Variants in PDSS2 observed in about 807,000 individuals in gnomAD.
PDSS2 encodes all trans-polyprenyl-diphosphate synthase PDSS2.
Under a neutral mutation model 44.5 loss-of-function variants are expected in PDSS2, and 31 were observed. The observed-to-expected ratio is 0.70, with a 90% CI of 0.52 to 0.94. The LOEUF (loss-of-function observed/expected upper bound fraction) is 0.94. Among genes scored for constraint, PDSS2 ranks in the 40% least tolerant of loss-of-function variants. The pLI, the probability that PDSS2 is intolerant of heterozygous loss-of-function variation, is 0.00. For missense variants in PDSS2, 452 were observed against 482.2 expected (o/e 0.94, Z 0.59); for synonymous variants, 157 against 180.3 (o/e 0.87, Z 1.03).
At chr6:107,330,394 C>T (rs752428258) in intron 2 of PDSS2, among the ~76,000 whole-genome samples, 1 of 152,072 alleles carries the variant, frequency 6.6e-6, no homozygotes. Context: ...GTCTCTTCTA[C>T]CAGTTAAGGT....
At chr6:107,365,038 T>A (rs569342304) in intron 1 of PDSS2, among the ~76,000 whole-genome samples, 1 of 152,100 alleles carries the variant, frequency 6.6e-6, no homozygotes, top group South Asian at 2.1e-4. Flanking sequence ...GAAGTGATAT[T>A]AGACAGTAAT....
intron 2 of PDSS2, among the ~76,000 whole-genome samples, chr6:107,288,753 G>GTTTTTTTT (rs35762837): frequency 8.2e-5 from 6 of 72,738 alleles, no homozygotes; most frequent in Admixed American, 1.8e-4. Context: ...GGACGAAATT[G>GTTTTTTTT]TTTTTTTTTT....
intron 7 of PDSS2, among the ~76,000 whole-genome samples, chr6:107,173,299 C>A (rs138312911): frequency 6.7e-6 from 1 of 149,556 alleles, no homozygotes; most frequent in African/African-American, 2.5e-5. Context: ...ACAGGCCAGG[C>A]GCGGTGGCTC....
chr6:107,328,874 C>G (rs1326710611), intron 2 of PDSS2, among the ~76,000 whole-genome samples: 1 of 152,204 alleles, frequency 6.6e-6, no homozygotes, highest in Non-Finnish European at 1.5e-5. Flanking sequence ...CTAGTTACAA[C>G]TTAAGCTCTG....
chr6:107,441,586 G>T (rs567617515), intron 1 of PDSS2, among the ~76,000 whole-genome samples: 24 of 152,264 alleles, frequency 1.6e-4, no homozygotes, highest in African/African-American at 5.5e-4. Flanking sequence ...TCCTAGACAT[G>T]ACAATAAGTT....
At chr6:107,374,730 C>G (rs1224172414) in intron 1 of PDSS2, among the ~76,000 whole-genome samples, 1 of 152,140 alleles carries the variant, frequency 6.6e-6, no homozygotes, top group Non-Finnish European at 1.5e-5. Context: ...GTTAATGTTC[C>G]TTATATTATC....
intron 1 of PDSS2, among the ~76,000 whole-genome samples, chr6:107,338,518 T>C (rs1777978407): frequency 6.6e-6 from 1 of 152,232 alleles, no homozygotes; most frequent in Non-Finnish European, 1.5e-5. Context: ...TATAGTAGTC[T>C]GGATTTAAAA....
intron 1 of PDSS2, among the ~76,000 whole-genome samples, chr6:107,386,791 A>G (rs1456169031): frequency 1.3e-5 from 2 of 152,222 alleles, no homozygotes; most frequent in Admixed American, 1.3e-4. Flanking sequence ...TTCTTTCATC[A>G]GAGTTTGGAG....
intron 1 of PDSS2, among the ~76,000 whole-genome samples, chr6:107,341,255 G>A (rs1389825974): frequency 6.6e-6 from 1 of 152,110 alleles, no homozygotes; most frequent in Non-Finnish European, 1.5e-5. Context: ...CTGGAGGGAT[G>A]AAGGAGACAT....
At chr6:107,388,635 T>C (rs13218309) in intron 1 of PDSS2, among the ~76,000 whole-genome samples, 1 of 151,568 alleles carries the variant, frequency 6.6e-6, no homozygotes, top group Non-Finnish European at 1.5e-5. Context: ...ATTTTTTGTA[T>C]TTTTAGTAGA....
At chr6:107,427,366 C>A (rs1040959566) in intron 1 of PDSS2, among the ~76,000 whole-genome samples, 2 of 152,188 alleles carry the variant, frequency 1.3e-5, no homozygotes, top group Non-Finnish European at 2.9e-5. Flanking sequence ...TCCATTACAT[C>A]TTTTTTTCTT....
intron 2 of PDSS2, among the ~76,000 whole-genome samples, chr6:107,302,703 C>T (rs1776735562): frequency 6.6e-6 from 1 of 151,840 alleles, no homozygotes; most frequent in African/African-American, 2.4e-5. Flanking sequence ...TCATATAAGT[C>T]ATATGAGAGT....
At chr6:107,314,968 T>C (rs1777156609) in intron 2 of PDSS2, among the ~76,000 whole-genome samples, 1 of 152,328 alleles carries the variant, frequency 6.6e-6, no homozygotes, top group East Asian at 1.9e-4. Flanking sequence ...AACACTAAGG[T>C]TGTGACATCA....
intron 4 of PDSS2, among the ~76,000 whole-genome samples, chr6:107,212,623 G>A (rs951033008): frequency 2.6e-5 from 4 of 152,146 alleles, no homozygotes; most frequent in Admixed American, 6.6e-5. Flanking sequence ...TTAAGTGCTG[G>A]TATTAAGCAC....
intron 2 of PDSS2, among the ~76,000 whole-genome samples, chr6:107,282,140 A>T (rs1040892413): frequency 6.6e-6 from 1 of 152,160 alleles, no homozygotes; most frequent in African/African-American, 2.4e-5. Flanking sequence ...CGCTGACCTC[A>T]GGTGATCCAC....
At chr6:107,395,086 T>C (rs993296384) in intron 1 of PDSS2, among the ~76,000 whole-genome samples, 7 of 151,962 alleles carry the variant, frequency 4.6e-5, no homozygotes, top group African/African-American at 1.5e-4. Flanking sequence ...GACAGCTTTG[T>C]TTTTCCTCTC....
At chr6:107,348,991 C>A (rs1425536398) in intron 1 of PDSS2, among the ~76,000 whole-genome samples, 1 of 152,118 alleles carries the variant, frequency 6.6e-6, no homozygotes, top group African/African-American at 2.4e-5. Flanking sequence ...GATTCTAGAA[C>A]CTTCAGCTAT....
chr6:107,299,872 T>A (rs1057420240), intron 2 of PDSS2, among the ~76,000 whole-genome samples: 3 of 152,114 alleles, frequency 2.0e-5, no homozygotes, highest in African/African-American at 7.2e-5. Context: ...TACCAGTATG[T>A]CTGATGGGGG....
chr6:107,272,932 A>AT (rs202018695), intron 3 of PDSS2, among the ~76,000 whole-genome samples: 4 of 151,714 alleles, frequency 2.6e-5, no homozygotes, highest in Admixed American at 6.6e-5. Flanking sequence ...CACTTTATTT[A>AT]TTTTTTTTAT....
Sources: gnomAD v4.1 joint callset for allele counts (sites outside exome capture counted in the v4.1 genomes callset) on GRCh38, gnomAD v4.1.1 for gene constraint, MANE v1.5 for transcripts, NCBI Gene and HGNC (gene_info 2026-07-23, HGNC 2026-07-21) for gene names.